MAP2: variants seen among roughly 807,000 people sequenced by gnomAD.
The protein encoded by MAP2 is microtubule associated protein 2.
A neutral mutation model predicts 137.6 loss-of-function variants in MAP2; 14 were observed. That is an observed-to-expected ratio of 0.10 (90% CI 0.07 to 0.16). The LOEUF is 0.16. Ranked by LOEUF, MAP2 falls within the 10% of genes least tolerant of loss-of-function variation. MAP2 has a pLI of 1.00. For synonymous variants in MAP2, 786 were observed against 782.3 expected, an observed-to-expected ratio of 1.00 and a Z score of -0.08; for missense variants, 2,088 against 2,191.5, an observed-to-expected ratio of 0.95 and a Z score of 0.94.
chr2:209,559,346 C>A (rs2071430466), intron 2 of MAP2, among the ~76,000 whole-genome samples: 1 of 151,686 alleles, frequency 6.6e-6, no homozygotes, highest in Non-Finnish European at 1.5e-5. Context: ...TCAAATTTGG[C>A]CATTCCACTG....
intron 7 of MAP2, among the ~76,000 whole-genome samples, chr2:209,689,326 C>A (rs1053565536): frequency 2.0e-5 from 3 of 151,834 alleles, no homozygotes; most frequent in Non-Finnish European, 2.9e-5. Flanking sequence ...CTGTTTCTCT[C>A]TGAGGATATT....
chr2:209,597,900 A>G (rs2081745621), intron 3 of MAP2, among the ~76,000 whole-genome samples: 2 of 152,054 alleles, frequency 1.3e-5, no homozygotes, highest in African/African-American at 4.8e-5. Context: ...TGACCATTAT[A>G]TACTTTCAGA....
Position 209,693,562 on chromosome 2 carries a change from A to G in MAP2, c.1392A>G (p.Lys464=). The G allele has an allele frequency of 6.2e-7, 1 of 1,612,592 alleles. No homozygotes were observed. The highest frequency in any genetic ancestry group is 8.5e-7 in the Non-Finnish European group (1 of 1,179,720). The part of the protein sequence containing the change: ...EAVPKESKPP[K]PADEEIGIIQ... ...TGCCAAAAGAGAGTAAACCCCCAAAACCTGCAGATGAAGAAATAGGCATAA... is the reference window on the plus strand; with the variant it reads ...TGCCAAAAGAGAGTAAACCCCCAAAGCCTGCAGATGAAGAAATAGGCATAA... The change falls in exon 8 of 16, where the codon AAA becomes AAG. Residue 464 remains lysine (K), a synonymous_variant. Coordinates refer to ENST00000682079, the MANE Select transcript of MAP2 (RefSeq NM_001375505.1).
At chr2:209,587,008 G>GA (rs1347979062) in intron 3 of MAP2, among the ~76,000 whole-genome samples, 6 of 152,092 alleles carry the variant, frequency 3.9e-5, no homozygotes, top group Non-Finnish European at 8.8e-5. Flanking sequence ...CAACCCAAAT[G>GA]AGCTACTGGC....
intron 2 of MAP2, among the ~76,000 whole-genome samples, chr2:209,522,143 C>CTT (rs573695279): frequency 6.7e-6 from 1 of 149,004 alleles, no homozygotes; most frequent in Non-Finnish European, 1.5e-5. Flanking sequence ...GATGGGCCTC[C>CTT]TTTTTTTTTT....
intron 2 of MAP2, among the ~76,000 whole-genome samples, chr2:209,573,159 G>A (rs948952180): frequency 3.3e-5 from 5 of 152,272 alleles, no homozygotes; most frequent in Middle Eastern, 6.8e-3. Flanking sequence ...TAATCTGGAA[G>A]GTGCCATGGA....
intron 7 of MAP2, among the ~76,000 whole-genome samples, chr2:209,688,703 G>A (rs2057914956): frequency 6.6e-6 from 1 of 152,136 alleles, no homozygotes; most frequent in South Asian, 2.1e-4. Context: ...GGGCTGCAAT[G>A]TGTCTCATTC....
At chr2:209,615,456 C>T (rs939125904) in intron 3 of MAP2, among the ~76,000 whole-genome samples, 1 of 152,138 alleles carries the variant, frequency 6.6e-6, no homozygotes, top group Non-Finnish European at 1.5e-5. Context: ...AAGTTAATAC[C>T]TAGTTTCTTC....
At chr2:209,706,885 A>G (rs899428870) in intron 12 of MAP2, among the ~76,000 whole-genome samples, 1 of 152,024 alleles carries the variant, frequency 6.6e-6, no homozygotes, top group Non-Finnish European at 1.5e-5. Context: ...AACATTATTT[A>G]GTTTCCTAGA....
In MAP2 at chr2:209,431,581, T is replaced by C. The variant is rs78581851; in HGVS notation, c.-222+7305T>C. Among the ~76,000 whole-genome samples, 3 of 152,246 alleles carry C rather than the reference T, an allele frequency of 2.0e-5. No individual in the cohort carries two copies. The East Asian group carries it at 5.8e-4, about 29-fold the overall frequency. Reference sequence around the variant, plus strand: ...ATGTTGTGAACCTGTGGAGTACATATAAGTAAACTGGGACAGTGACCATTT... The same window carrying C: ...ATGTTGTGAACCTGTGGAGTACATACAAGTAAACTGGGACAGTGACCATTT... On this transcript the variant is annotated intron_variant, in intron 1 of 15. Transcript: ENST00000682079.
chr2:209,685,177 T>G lies in MAP2; in HGVS notation c.454+4350T>G, dbSNP rs1052721380. Among the ~76,000 whole-genome samples the G allele has an allele frequency of 2.6e-5, 4 of 152,306 alleles. No homozygotes were observed. In the East Asian group the frequency reaches 7.7e-4, roughly 29 times the overall value. On this transcript the variant is annotated intron_variant, in intron 7 of 15. Coordinates refer to ENST00000682079, the MANE Select transcript of MAP2 (RefSeq NM_001375505.1). ...TGCAATCACGGTTGCACTACATCCC[T>G]AAAGCTGTTTCTTATCAAGGTTCTT... is the stretch of plus-strand genomic sequence containing the variant.
chr2:209,598,911 T>A (rs1284312416), intron 3 of MAP2, among the ~76,000 whole-genome samples: 3 of 151,512 alleles, frequency 2.0e-5, no homozygotes, highest in Non-Finnish European at 4.4e-5. Flanking sequence ...TAAACATACG[T>A]GTGCATGTGT....
chr2:209,687,515 A>G (rs1042493407), intron 7 of MAP2, among the ~76,000 whole-genome samples: 4 of 152,092 alleles, frequency 2.6e-5, no homozygotes, highest in Non-Finnish European at 5.9e-5. Context: ...CTTAAGGGAT[A>G]GGTGGAATTC....
chr2:209,695,931 C>T lies in MAP2; in HGVS notation c.3761C>T (p.Thr1254Ile), dbSNP rs753552732. 6.2e-7 allele frequency: 1 copy of T among 1,614,050 alleles called. No individual in the cohort carries two copies. The highest frequency in any genetic ancestry group is 1.1e-5 in the South Asian group (1 of 91,072). Reference sequence around the variant, plus strand: ...GATAAACTGCTCTTCCGCTCAGACACCCTTCAGATAACTGACCTGGGTGTC... The same window carrying T: ...GATAAACTGCTCTTCCGCTCAGACATCCTTCAGATAACTGACCTGGGTGTC... ...EYDKLLFRSDTLQITDLGVSG... is the reference protein window; with the variant it reads ...EYDKLLFRSDILQITDLGVSG... The change falls in exon 8 of 16, where the codon ACC (threonine) becomes ATC (isoleucine). Residue 1254 changes from threonine (T) to isoleucine (I), a missense_variant. Transcript: ENST00000682079.
chr2:209,694,801 C>G lies in MAP2; in HGVS notation c.2631C>G (p.Val877=), dbSNP rs766480281. 45 of 1,613,980 alleles carry G rather than the reference C, an allele frequency of 2.8e-5. No individual in the cohort carries two copies. Among genetic ancestry groups the G allele is most frequent in the Non-Finnish European group, 3.8e-5 (45 of 1,180,012 alleles). Residue 877 remains valine (V), a synonymous_variant, in exon 8 of 16, where the codon GTC becomes GTG. Transcript: ENST00000682079. ...ACTGTGTGTTCAATAAGTACACAGT[C>G]CCATTGCCATCACCTGTTCAAGACA... ...LGYCVFNKYT[V]PLPSPVQDSE...
chr2:209,658,882 A>G (rs941176859), intron 5 of MAP2, among the ~76,000 whole-genome samples: 2 of 152,152 alleles, frequency 1.3e-5, no homozygotes, highest in African/African-American at 4.8e-5. Context: ...TATATATAAA[A>G]CTACAGCTTA....
chr2:209,464,708 A>G (rs1433039559), intron 1 of MAP2, among the ~76,000 whole-genome samples: 1 of 152,142 alleles, frequency 6.6e-6, no homozygotes, highest in African/African-American at 2.4e-5. Flanking sequence ...ACTAAAGGTT[A>G]CAAAGAATGG....
intron 2 of MAP2, among the ~76,000 whole-genome samples, chr2:209,557,037 C>G (rs1354451418): frequency 1.3e-5 from 2 of 152,066 alleles, no homozygotes; most frequent in African/African-American, 4.8e-5. Flanking sequence ...TTTTGAATAT[C>G]TATGTTAACA....
intron 5 of MAP2, among the ~76,000 whole-genome samples, chr2:209,668,561 T>A (rs2047355176): frequency 6.6e-6 from 1 of 152,034 alleles, no homozygotes; most frequent in African/African-American, 2.4e-5. Context: ...ATTTTTGACA[T>A]GAAGAAATTT....
Sources: allele counts gnomAD v4.1 joint callset (sites outside exome capture counted in the v4.1 genomes callset), GRCh38; gene constraint gnomAD v4.1.1; transcripts MANE v1.5; gene names NCBI Gene and HGNC (gene_info 2026-07-23, HGNC 2026-07-21).